The following THSD7A variants were observed in gnomAD, a reference collection of about 807,000 sequenced individuals.
THSD7A encodes the protein thrombospondin type-1 domain-containing protein 7A.
In THSD7A, 96 loss-of-function variants were observed where a neutral mutation model predicts 231.3. The ratio of observed to expected loss-of-function variants is 0.41; its 90% CI spans 0.35 to 0.49. The LOEUF (loss-of-function observed/expected upper bound fraction) is 0.49, where lower values mean the gene tolerates loss of function less well. THSD7A is among the 20% of genes least tolerant of loss of function. The pLI, the probability that THSD7A is intolerant of heterozygous loss-of-function variation, is 0.05. For synonymous variants in THSD7A, 940 were observed against 743.3 expected, an observed-to-expected ratio of 1.26 and a Z score of -4.30; for missense variants, 2,290 against 2,070.2, an observed-to-expected ratio of 1.11 and a Z score of -2.06.
intron 1 of THSD7A, among the ~76,000 whole-genome samples, chr7:11,697,582 C>T (rs908617838): frequency 1.3e-5 from 2 of 151,172 alleles, no homozygotes; most frequent in African/African-American, 2.4e-5. Context: ...AAGCAGGAGG[C>T]ATCTAGAATT....
At chr7:11,707,811 T>A (rs938666029) in intron 1 of THSD7A, among the ~76,000 whole-genome samples, 1 of 150,808 alleles carries the variant, frequency 6.6e-6, no homozygotes, top group African/African-American at 2.4e-5. Flanking sequence ...CCAAAATAAC[T>A]CTGGAAAGTG....
At chr7:11,447,515 A>T in intron 11 of THSD7A, 91 bp from the exon 12 acceptor site, 1 of 1,127,482 alleles carries the variant, frequency 8.9e-7, no homozygotes, top group African/African-American at 1.6e-5. Context: ...TTAAGCAGTC[A>T]GAGAAAGCCT....
At chr7:11,469,822 G>T in intron 9 of THSD7A, 57 bp downstream of exon 9, 1 of 1,219,058 alleles carries the variant, frequency 8.2e-7, no homozygotes, top group Non-Finnish European at 1.2e-6. Context: ...GAAGACCTCA[G>T]AAGTCTACCG....
intron 4 of THSD7A, among the ~76,000 whole-genome samples, chr7:11,547,643 C>T (rs1401596042): frequency 6.6e-6 from 1 of 151,994 alleles, no homozygotes; most frequent in Non-Finnish European, 1.5e-5. Context: ...AAATAAAAAA[C>T]CAAATCATAT....
At chr7:11,583,265 A>G (rs2189638) in intron 4 of THSD7A, among the ~76,000 whole-genome samples, 54,521 of 151,652 alleles carry the variant, frequency 0.36, 10,205 homozygotes, top group African/African-American at 0.46. Context: ...TTAGCATTTT[A>G]TGGTCTCTAT....
In THSD7A at chr7:11,814,205, G is replaced by A. The variant is rs1485491602; in HGVS notation, c.190+17552C>T. On this transcript the variant is annotated intron_variant, in intron 1 of 27. Transcript: ENST00000423059. This position sits in a 1 kb window ranked among gnomAD's most constrained non-coding sequence, Gnocchi z 5.1. The stretch of plus-strand genomic sequence containing the variant: ...ATGTTCTTGAATTGATTGTGGTAAT[G>A]GATGCACAAGTCTGTGGATATGCTA... 6.6e-6 allele frequency among the ~76,000 whole-genome samples: 1 copy of A among 152,090 alleles called. No homozygotes were observed. The highest frequency in any genetic ancestry group is 1.5e-5 in the Non-Finnish European group (1 of 68,022).
intron 17 of THSD7A, among the ~76,000 whole-genome samples, chr7:11,415,685 C>T (rs1393250310): frequency 6.6e-6 from 1 of 152,192 alleles, no homozygotes; most frequent in Non-Finnish European, 1.5e-5. Context: ...GCCTGTCTCT[C>T]TTCCTAAGTG....
intron 1 of THSD7A, among the ~76,000 whole-genome samples, chr7:11,764,771 A>G (rs1029910669): frequency 2.0e-5 from 3 of 152,150 alleles, no homozygotes; most frequent in African/African-American, 7.2e-5. Flanking sequence ...GAAGACTTCA[A>G]TAAGTCAATT....
At chr7:11,475,052 T>C (rs1786101536) in intron 7 of THSD7A, among the ~76,000 whole-genome samples, 1 of 152,116 alleles carries the variant, frequency 6.6e-6, no homozygotes, top group African/African-American at 2.4e-5. Flanking sequence ...AGCAAAGGCA[T>C]GCAGGCAGGT....
chr7:11,533,177 A>T (rs756068838), intron 6 of THSD7A, among the ~76,000 whole-genome samples: 1 of 152,212 alleles, frequency 6.6e-6, no homozygotes. Flanking sequence ...TTGCCAATTT[A>T]GACTTGGAGA....
intron 1 of THSD7A, among the ~76,000 whole-genome samples, chr7:11,695,941 T>C (rs9648138): frequency 0.25 from 37,701 of 151,406 alleles, 5,110 homozygotes; most frequent in Non-Finnish European, 0.31. Flanking sequence ...CAGTGGCCCA[T>C]GGTAAATGAT....
intron 1 of THSD7A, among the ~76,000 whole-genome samples, chr7:11,792,962 C>T (rs1447321616): frequency 6.6e-6 from 1 of 151,808 alleles, no homozygotes; most frequent in Non-Finnish European, 1.5e-5. Context: ...TGCAATATCC[C>T]ATAGCATTAT....
intron 6 of THSD7A, among the ~76,000 whole-genome samples, chr7:11,517,760 T>G (rs1185470909): frequency 3.9e-5 from 6 of 152,232 alleles, no homozygotes; most frequent in Admixed American, 3.3e-4. Flanking sequence ...TTCTGATCCC[T>G]TATGAAAACT....
At chr7:11,526,228 G>C (rs991520627) in intron 6 of THSD7A, among the ~76,000 whole-genome samples, 8 of 152,108 alleles carry the variant, frequency 5.3e-5, no homozygotes, top group Non-Finnish European at 1.5e-5. Flanking sequence ...TCAGTAACAT[G>C]CCCAACTATT....
chr7:11,697,920 T>C (rs770185322), intron 1 of THSD7A, among the ~76,000 whole-genome samples: 3 of 151,410 alleles, frequency 2.0e-5, no homozygotes, highest in Non-Finnish European at 3.0e-5. Flanking sequence ...TACATTGCCG[T>C]CTTTTAATAA....
chr7:11,383,348 A>G, intron 23 of THSD7A, among the ~76,000 whole-genome samples: 1 of 151,992 alleles, frequency 6.6e-6, no homozygotes, highest in East Asian at 1.9e-4. Flanking sequence ...TACATAACAC[A>G]GTTTATTTAG....
chr7:11,386,023 A>C (rs752301633), intron 23 of THSD7A, among the ~76,000 whole-genome samples: 7 of 152,150 alleles, frequency 4.6e-5, no homozygotes, highest in Non-Finnish European at 1.0e-4. Context: ...AGCTTCATCC[A>C]TGTCCCTGCA....
intron 4 of THSD7A, among the ~76,000 whole-genome samples, chr7:11,549,795 G>A (rs1789548891): frequency 6.6e-6 from 1 of 151,984 alleles, no homozygotes; most frequent in Admixed American, 6.6e-5. Flanking sequence ...GGGAGCATCA[G>A]GAAAAATATC....
rs1192284789 is a variant in THSD7A at position 11,373,404 on chromosome 7, T to G, written c.*2390A>C. 2 of 152,024 alleles carry G rather than the reference T, an allele frequency of 1.3e-5. No homozygotes were observed. Among genetic ancestry groups the G allele is most frequent in the Non-Finnish European group, 2.9e-5 (2 of 67,964 alleles). The allele number at this position is 152,024 out of a possible 1,614,324, so 9.4% of individuals were successfully genotyped here. A position where few individuals can be genotyped will look rare whatever the true frequency, so the allele number is the denominator to read the frequency against. Reference sequence around the variant, plus strand: ...CAAAGAGATCAACTTTAGGATTATCTGGAAGACCCCTGATTATATATATTG... The same window carrying G: ...CAAAGAGATCAACTTTAGGATTATCGGGAAGACCCCTGATTATATATATTG... On this transcript the variant is annotated 3_prime_UTR_variant, in exon 28 of 28. Coordinates refer to ENST00000423059, the MANE Select transcript of THSD7A (RefSeq NM_015204.3).
Sources: allele counts gnomAD v4.1 joint callset (sites outside exome capture counted in the v4.1 genomes callset), GRCh38; gene constraint gnomAD v4.1.1; non-coding constraint Gnocchi (gnomAD v3.1); transcripts MANE v1.5; gene names NCBI Gene and HGNC (gene_info 2026-07-23, HGNC 2026-07-21).